Variants in ZGRF1 observed in about 807,000 individuals in gnomAD.
ZGRF1 encodes zinc finger GRF-type containing 1.
Under a neutral mutation model 203.5 loss-of-function variants are expected in ZGRF1, and 196 were observed. That is an observed-to-expected ratio of 0.96 (90% confidence interval 0.86 to 1.08). The LOEUF (loss-of-function observed/expected upper bound fraction) is 1.08, where lower values mean the gene tolerates loss of function less well. Ranked by LOEUF, ZGRF1 falls within the 50% of genes least tolerant of loss-of-function variation. ZGRF1 has a pLI of 0.00. For synonymous variants in ZGRF1, 809 were observed against 841.3 expected (o/e 0.96, Z 0.66); for missense variants, 2,326 against 2,416.3 (o/e 0.96, Z 0.78).
At chr4:112,596,104 TAA>T (rs1560827263) in intron 10 of ZGRF1, among the ~76,000 whole-genome samples, 3 of 152,230 alleles carry the variant, frequency 2.0e-5, no homozygotes, top group Non-Finnish European at 2.9e-5. Flanking sequence ...ATAATGGACA[TAA>T]GTTTCTTTTT....
At chr4:112,611,753 A>G (rs1360442496) in intron 7 of ZGRF1, among the ~76,000 whole-genome samples, 1 of 152,208 alleles carries the variant, frequency 6.6e-6, no homozygotes, top group African/African-American at 2.4e-5. Context: ...TACTAACTCC[A>G]GGTCTGTTTC....
Position 112,587,916 on chromosome 4 carries a change from G to A in ZGRF1, c.3141C>T (p.Ser1047=), listed in dbSNP as rs1196187905. The change falls in exon 12 of 28, where the codon TCC becomes TCT. Residue 1047 remains serine, a synonymous_variant. Transcript: ENST00000505019. ...GAAGGTTCTCATTCTCCAGAGAACG[G>A]GATTTTTTCATCCCTGAAAGAAAAC... is the stretch of plus-strand genomic sequence containing the variant. ...HFLNLEGMKK[S]RSLENENLQR... is the part of the protein sequence containing the mutation. 2 of 1,524,300 alleles carry A rather than the reference G, an allele frequency of 1.3e-6. No homozygotes were observed. Among genetic ancestry groups the A allele is most frequent in the Admixed American group, 2.3e-5 (1 of 43,856 alleles). The allele number at this position is 1,524,300 out of a possible 1,614,324, so 94.4% of individuals were successfully genotyped here. A position where few individuals can be genotyped will look rare whatever the true frequency, so the allele number is the denominator to read the frequency against.
At chr4:112,564,490 T>C (rs1023934967) in intron 16 of ZGRF1, among the ~76,000 whole-genome samples, 1 of 152,192 alleles carries the variant, frequency 6.6e-6, no homozygotes, top group African/African-American at 2.4e-5. Context: ...AATGAGAGAT[T>C]GAAGTGAAGA....
intron 8 of ZGRF1, among the ~76,000 whole-genome samples, chr4:112,606,817 A>G (rs1373492728): frequency 6.6e-6 from 1 of 152,244 alleles, no homozygotes; most frequent in Non-Finnish European, 1.5e-5. Flanking sequence ...AGAATGAATC[A>G]TCTCCTAGCA....
chr4:112,613,242 T>A (rs754466154), intron 6 of ZGRF1, among the ~76,000 whole-genome samples: 1 of 152,012 alleles, frequency 6.6e-6, no homozygotes, highest in Non-Finnish European at 1.5e-5. Flanking sequence ...TGCAGTGAGC[T>A]AAGATCGCAC....
At chr4:112,581,896 T>C in intron 15 of ZGRF1, 94 bp from the exon 16 acceptor site, 4 of 574,116 alleles carry the variant, frequency 7.0e-6, no homozygotes, top group Non-Finnish European at 1.1e-5. Flanking sequence ...AACCAGGGTT[T>C]CATATGTTTA....
chr4:112,628,471 G>C (rs2047306372), intron 3 of ZGRF1: 1 of 412,556 alleles, frequency 2.4e-6, no homozygotes, highest in African/African-American at 2.1e-5. Context: ...GTAATATGTT[G>C]GTTGGTTGAT....
In ZGRF1 at chr4:112,560,873, C is replaced by A; in HGVS notation, c.4820G>T (p.Ser1607Ile). The change falls in exon 19 of 28, where the codon AGT becomes ATT. Residue 1607 changes from serine (S) to isoleucine (I), a missense_variant. Ser to Ile is a moderately radical substitution (Grantham distance 142). Transcript: ENST00000505019. ...TAACTTGTGTACCTGAATCAACTCA[C>A]TAGCTAACTTCAATGTTGCTCCTAG... ...LSLGATLKLA[S>I]ELIQVHKLNK... 1 of 1,613,776 alleles carries A rather than the reference C, an allele frequency of 6.2e-7. No individual in the cohort carries two copies. The highest frequency in any genetic ancestry group is 1.1e-5 in the South Asian group (1 of 91,076).
intron 16 of ZGRF1, among the ~76,000 whole-genome samples, chr4:112,575,490 C>T (rs953527013): frequency 9.2e-5 from 14 of 152,058 alleles, no homozygotes; most frequent in African/African-American, 1.9e-4. Flanking sequence ...TCGCCTCACC[C>T]GGGAAGTGCA....
chr4:112,573,963 A>T (rs1744681745), intron 16 of ZGRF1, among the ~76,000 whole-genome samples: 1 of 152,224 alleles, frequency 6.6e-6, no homozygotes, highest in African/African-American at 2.4e-5. Context: ...CTAAAACCAC[A>T]ATGCAATCAT....
At chr4:112,605,931 G>GT in intron 9 of ZGRF1, 77 bp downstream of exon 9, 3 of 942,852 alleles carry the variant, frequency 3.2e-6, no homozygotes, top group Non-Finnish European at 5.0e-6. Context: ...TCTGATACTT[G>GT]TTTTTTTGTT....
intron 10 of ZGRF1, among the ~76,000 whole-genome samples, chr4:112,598,928 G>A (rs1749488490): frequency 6.6e-6 from 1 of 151,952 alleles, no homozygotes; most frequent in Admixed American, 6.6e-5. Flanking sequence ...GTGTGTACCT[G>A]TAGTCCCAGC....
chr4:112,581,798 C>T lies in ZGRF1; in HGVS notation c.4303G>A (p.Gly1435Arg). ...TACTGTTTTCTCTGAAAATCAAATC[C>T]TTTTCTGAAAAGGGAATAAAAAATA... is the stretch of plus-strand genomic sequence containing the variant. ...YEECQLLVRK[G>R]FDFQRKQYGK... Residue 1435 changes from glycine to arginine, a missense_variant, in exon 16 of 28, where the codon GGA (glycine) becomes AGA (arginine). Physicochemically the swap from Gly to Arg is moderately radical, Grantham distance 125. Transcript: ENST00000505019. The T allele has an allele frequency of 2.9e-6, 4 of 1,371,126 alleles. No individual in the cohort carries two copies. Among genetic ancestry groups the T allele is most frequent in the Non-Finnish European group, 2.9e-6 (3 of 1,030,994 alleles). The allele number at this position is 1,371,126 out of a possible 1,614,324, so 84.9% of individuals were successfully genotyped here.
At chr4:112,576,445 C>T (rs1295081347) in intron 16 of ZGRF1, among the ~76,000 whole-genome samples, 1 of 151,998 alleles carries the variant, frequency 6.6e-6, no homozygotes, top group Non-Finnish European at 1.5e-5. Context: ...TTTGACAAGT[C>T]GAGAGAAGAA....
intron 3 of ZGRF1, among the ~76,000 whole-genome samples, chr4:112,627,244 C>G (rs1217740192): frequency 6.6e-6 from 1 of 152,232 alleles, no homozygotes; most frequent in Non-Finnish European, 1.5e-5. Context: ...TTCTCACCTT[C>G]TATATCCAAG....
At position 112,561,053 on chromosome 4, in the gene ZGRF1, G is replaced by C. The variant is rs896496707; in HGVS notation, c.4698-58C>G. 7 of 1,322,376 alleles carry C rather than the reference G, an allele frequency of 5.3e-6. No individual in the cohort carries two copies. The Admixed American group carries it at 7.8e-5, about 15-fold the overall frequency. 81.9% of individuals were successfully genotyped at this position (1,322,376 alleles called of 1,614,324 possible). A position where few individuals can be genotyped will look rare whatever the true frequency, so the allele number is the denominator to read the frequency against. On this transcript the variant is annotated intron_variant, in intron 18 of 27. Coordinates refer to ENST00000505019, the MANE Select transcript of ZGRF1 (RefSeq NM_018392.5). ...AAAAAGGGGCATTTGAAAAAGATGAGTAGAATAATTCATAACTTAGCCATC... is the reference window on the plus strand; with the variant it reads ...AAAAAGGGGCATTTGAAAAAGATGACTAGAATAATTCATAACTTAGCCATC...
chr4:112,588,378 G>A (rs768410541), intron 11 of ZGRF1, among the ~76,000 whole-genome samples: 5 of 152,116 alleles, frequency 3.3e-5, no homozygotes, highest in African/African-American at 4.8e-5. Context: ...CTTTCCCAGA[G>A]ACGGAAGCTC....
rs534017977 is a variant in ZGRF1 at position 112,573,200 on chromosome 4, A to ACACC, written c.4438+8462_4438+8463insGGTG. On this transcript the variant is annotated intron_variant, in intron 16 of 27. Transcript: ENST00000505019. ...CACACACACACACACACACACACAC[A>ACACC]CCCATGGAATACTATTCAGCCATAA... 8.9e-3 allele frequency among the ~76,000 whole-genome samples: 1,318 copies of ACACC among 148,806 alleles called. 6 individuals are homozygous for ACACC. Among genetic ancestry groups the ACACC allele is most frequent in the East Asian group, 0.035 (176 of 4,972 alleles).
At chr4:112,550,054 G>A (rs112191830) in intron 22 of ZGRF1, among the ~76,000 whole-genome samples, 4,918 of 152,134 alleles carry the variant, frequency 0.032, 250 homozygotes, top group African/African-American at 0.11. Context: ...TTAGCCGGGC[G>A]TGGTGGCGGT....
Sources: gnomAD v4.1 joint callset for allele counts (sites outside exome capture counted in the v4.1 genomes callset) on GRCh38, gnomAD v4.1.1 for gene constraint, MANE v1.5 for transcripts, NCBI Gene and HGNC (gene_info 2026-07-23, HGNC 2026-07-21) for gene names.